Variants in IGF1R observed in about 807,000 individuals in gnomAD.
IGF1R encodes the protein insulin like growth factor 1 receptor.
Under a neutral mutation model 144.6 loss-of-function variants are expected in IGF1R, and 44 were observed. The ratio of observed to expected loss-of-function variants is 0.30; its 90% CI spans 0.24 to 0.39. IGF1R has a LOEUF of 0.39. Among genes scored for constraint, IGF1R ranks in the 10% least tolerant of loss-of-function variants. The pLI, the probability that IGF1R is intolerant of heterozygous loss-of-function variation, is 1.00. For missense variants in IGF1R, 1,355 were observed against 1,833.7 expected, an observed-to-expected ratio of 0.74 and a Z score of 4.77; for synonymous variants, 795 against 722.8, an observed-to-expected ratio of 1.10 and a Z score of -1.60.
chr15:98,692,519 A>G (rs1214112998), intron 1 of IGF1R, among the ~76,000 whole-genome samples: 2 of 152,152 alleles, frequency 1.3e-5, no homozygotes, highest in Non-Finnish European at 2.9e-5. Context: ...AGCTAAAAAT[A>G]TCTTAGTGTG....
At chr15:98,738,854 T>G (rs2054672077) in intron 2 of IGF1R, among the ~76,000 whole-genome samples, 1 of 152,188 alleles carries the variant, frequency 6.6e-6, no homozygotes, top group Admixed American at 6.5e-5. Context: ...CAGTTTACAT[T>G]CAGGACAATA....
In IGF1R at chr15:98,763,023, C is replaced by T. The variant is rs565020724; in HGVS notation, c.640+54916C>T. ...GTCGCACCACTGCACTCCAGCCTGG[C>T]GACAGAGCTAGGTTCCATCTCAAAA... is the stretch of plus-strand genomic sequence containing the variant. On this transcript the variant is annotated intron_variant, in intron 2 of 20. Transcript: ENST00000650285. 5.7e-5 allele frequency among the ~76,000 whole-genome samples: 8 copies of T among 141,292 alleles called. No homozygotes were observed. In the East Asian group the frequency reaches 1.3e-3, roughly 22 times the overall value. 92.7% of individuals were successfully genotyped at this position (141,292 alleles called of 152,430 possible).
At chr15:98,827,636 G>T (rs1053370219) in intron 2 of IGF1R, among the ~76,000 whole-genome samples, 1 of 152,198 alleles carries the variant, frequency 6.6e-6, no homozygotes, top group Non-Finnish European at 1.5e-5. Context: ...AATCGGAAGT[G>T]CAGTGGCGCA....
chr15:98,756,557 C>G (rs2055161709), intron 2 of IGF1R, among the ~76,000 whole-genome samples: 1 of 151,940 alleles, frequency 6.6e-6, no homozygotes. Flanking sequence ...CCCCCTTAAT[C>G]AAGTTTGTTA....
At chr15:98,780,784 T>C (rs924731978) in intron 2 of IGF1R, among the ~76,000 whole-genome samples, 18 of 152,196 alleles carry the variant, frequency 1.2e-4, no homozygotes, top group African/African-American at 4.1e-4. Flanking sequence ...TTAATGTTTT[T>C]GGAAGTAATA....
At chr15:98,923,396 G>A (rs1353044753) in intron 11 of IGF1R, among the ~76,000 whole-genome samples, 1 of 152,092 alleles carries the variant, frequency 6.6e-6, no homozygotes, top group African/African-American at 2.4e-5. Flanking sequence ...GCGTGTAGAC[G>A]CGGGCCACGG....
intron 19 of IGF1R, among the ~76,000 whole-genome samples, chr15:98,945,082 A>G (rs547430973): frequency 1.3e-5 from 2 of 152,334 alleles, no homozygotes; most frequent in South Asian, 2.1e-4. Context: ...CTGTAGCACC[A>G]TGTCCCTCTG....
rs1350859606 is a variant in IGF1R at position 98,916,738 on chromosome 15, A to T, written c.2063A>T (p.Lys688Met). The T allele has an allele frequency of 6.2e-7, 1 of 1,613,940 alleles. No homozygotes were observed. The highest frequency in any genetic ancestry group is 8.5e-7 in the Non-Finnish European group (1 of 1,179,956). Residue 688 changes from lysine to methionine, a missense_variant, in exon 10 of 21, where the codon AAG becomes ATG. Around this residue, in one of 7 missense-constraint regions of IGF1R, gnomAD observed 880 missense variants for 1,202.7 expected, o/e 0.73. Coordinates refer to ENST00000650285, the MANE Select transcript of IGF1R (RefSeq NM_000875.5). ...ATTGAGGAGGTCACAGAGAACCCCA[A>T]GACTGAGGTGTGTGGTGGGGAGAAA... is the stretch of plus-strand genomic sequence containing the variant. ...IDIEEVTENP[K>M]TEVCGGEKGP...
In IGF1R at chr15:98,789,779, G is replaced by A. The variant is rs147449878; in HGVS notation, c.640+81672G>A. 2.0e-4 allele frequency among the ~76,000 whole-genome samples: 31 copies of A among 152,206 alleles called. No individual in the cohort carries two copies. In the East Asian group the frequency reaches 3.3e-3, roughly 16 times the overall value. ...TCTGTGACAGTGGAGGTGAACCCAGGGCCCTTTCATGGCCTTGGGAGGGTC... is the reference window on the plus strand; with the variant it reads ...TCTGTGACAGTGGAGGTGAACCCAGAGCCCTTTCATGGCCTTGGGAGGGTC... On this transcript the variant is annotated intron_variant, in intron 2 of 20. Coordinates refer to ENST00000650285, the MANE Select transcript of IGF1R (RefSeq NM_000875.5).
At chr15:98,795,570 A>G (rs1490811729) in intron 2 of IGF1R, among the ~76,000 whole-genome samples, 1 of 151,620 alleles carries the variant, frequency 6.6e-6, no homozygotes, top group Non-Finnish European at 1.5e-5. Context: ...ACCCGCAACC[A>G]CCCCTGGTTA....
At chr15:98,739,696 C>T (rs2054693912) in intron 2 of IGF1R, among the ~76,000 whole-genome samples, 1 of 152,254 alleles carries the variant, frequency 6.6e-6, no homozygotes, top group South Asian at 2.1e-4. Flanking sequence ...GCAACCTCTG[C>T]CTCCCAGGTT....
intron 1 of IGF1R, among the ~76,000 whole-genome samples, chr15:98,681,815 G>A (rs549761150): frequency 6.6e-6 from 1 of 152,158 alleles, no homozygotes; most frequent in Non-Finnish European, 1.5e-5. Context: ...CTTGAATTTA[G>A]GGTCTGTCCC....
intron 2 of IGF1R, among the ~76,000 whole-genome samples, chr15:98,879,122 A>G (rs2013239061): frequency 6.6e-6 from 1 of 152,216 alleles, no homozygotes; most frequent in Non-Finnish European, 1.5e-5. Flanking sequence ...CCTGGATTTC[A>G]CAGTGTTCTT....
chr15:98,916,144 C>A lies in IGF1R; in HGVS notation c.1996+13C>A. On this transcript the variant is annotated intron_variant, in intron 9 of 20. Transcript: ENST00000650285. The stretch of plus-strand genomic sequence containing the variant: ...TACTGCTCCAAAGGTAAGGGTGCAG[C>A]AGCGGCCTGGACGGAGGGTGTGACC... 6.2e-7 allele frequency: 1 copy of A among 1,613,906 alleles called. No homozygotes were observed.
chr15:98,693,947 C>T (rs879712966), intron 1 of IGF1R, among the ~76,000 whole-genome samples: 5 of 152,190 alleles, frequency 3.3e-5, no homozygotes, highest in African/African-American at 4.8e-5. Context: ...CAAGGGTAGA[C>T]TTCTTCAAGG....
intron 1 of IGF1R, among the ~76,000 whole-genome samples, chr15:98,667,058 A>C (rs2052760566): frequency 6.6e-6 from 1 of 152,046 alleles, no homozygotes; most frequent in South Asian, 2.1e-4. Context: ...TGAGGTCAGG[A>C]GAGGCCTTGA....
At chr15:98,792,432 G>A (rs2056148053) in intron 2 of IGF1R, among the ~76,000 whole-genome samples, 1 of 152,186 alleles carries the variant, frequency 6.6e-6, no homozygotes, top group Admixed American at 6.5e-5. Flanking sequence ...AGACAAATTA[G>A]CAAAATCTTC....
intron 2 of IGF1R, among the ~76,000 whole-genome samples, chr15:98,813,581 A>G (rs2056637497): frequency 6.6e-6 from 1 of 152,038 alleles, no homozygotes. Context: ...ATGGTGCACT[A>G]CCTCTTCTTG....
intron 18 of IGF1R, among the ~76,000 whole-genome samples, chr15:98,941,344 G>A (rs1030589897): frequency 6.6e-6 from 1 of 152,202 alleles, no homozygotes; most frequent in African/African-American, 2.4e-5. Flanking sequence ...TCCCCACTGC[G>A]CGTCACCCTG....
Sources: allele counts gnomAD v4.1 joint callset (sites outside exome capture counted in the v4.1 genomes callset), GRCh38; gene constraint gnomAD v4.1.1; regional missense constraint gnomAD v4.1.1; transcripts MANE v1.5; gene names NCBI Gene and HGNC (gene_info 2026-07-23, HGNC 2026-07-21).